Variants in UNC13C observed in about 807,000 individuals in gnomAD.
The protein encoded by UNC13C is unc-13 homolog C.
A neutral mutation model predicts 245.4 loss-of-function variants in UNC13C; 174 were observed. The ratio of observed to expected loss-of-function variants is 0.71; its 90% CI spans 0.63 to 0.80. The LOEUF is 0.80. Ranked by LOEUF, UNC13C falls within the 30% of genes least tolerant of loss-of-function variation. The pLI, the probability that UNC13C is intolerant of heterozygous loss-of-function variation, is 0.00. For synonymous variants in UNC13C, 992 were observed against 895.1 expected (o/e 1.11, Z -1.93); for missense variants, 2,829 against 2,602.9 (o/e 1.09, Z -1.89).
intron 4 of UNC13C, among the ~76,000 whole-genome samples, chr15:54,201,719 G>A (rs1015411592): frequency 6.6e-6 from 1 of 151,886 alleles, no homozygotes; most frequent in Non-Finnish European, 1.5e-5. Context: ...ACTAAATGGG[G>A]AAAAGTTGAA....
chr15:54,015,345 A>C lies in UNC13C; in HGVS notation c.2442A>C (p.Lys814Asn). 1.2e-6 allele frequency: 2 copies of C among 1,613,862 alleles called. No homozygotes were observed. ...AKSALEVVWNKSTQSLSGYED... is the reference protein window; with the variant it reads ...AKSALEVVWNNSTQSLSGYED... ...CAGCCTTGGAAGTAGTATGGAACAA[A>C]AGCACACAGAGTCTGAGTGGGTATG... Residue 814 changes from lysine (K) to asparagine (N), a missense_variant, in exon 2 of 33, where the codon AAA becomes AAC. Physicochemically the swap from Lys to Asn is moderately conservative, Grantham distance 94. Coordinates refer to ENST00000260323, the MANE Select transcript of UNC13C (RefSeq NM_001080534.3).
intron 2 of UNC13C, among the ~76,000 whole-genome samples, chr15:54,116,358 C>T (rs1344299217): frequency 6.6e-6 from 1 of 152,008 alleles, no homozygotes; most frequent in African/African-American, 2.4e-5. Flanking sequence ...TTCTATTGAA[C>T]ATGATGTCTT....
At chr15:54,175,644 C>A (rs562385729) in intron 4 of UNC13C, among the ~76,000 whole-genome samples, 3 of 151,794 alleles carry the variant, frequency 2.0e-5, no homozygotes, top group African/African-American at 7.3e-5. Flanking sequence ...TCCCGAGTAG[C>A]TGGGACTACA....
intron 10 of UNC13C, among the ~76,000 whole-genome samples, chr15:54,280,730 GTATACATACATATA>G (rs2036967141): frequency 1.6e-5 from 1 of 62,710 alleles, no homozygotes; most frequent in African/African-American, 1.5e-4. Context: ...ATAAACATAT[GTATACATACATATA>G]TACATATATA....
At chr15:54,269,508 A>G (rs2036630763) in intron 10 of UNC13C, among the ~76,000 whole-genome samples, 2 of 152,176 alleles carry the variant, frequency 1.3e-5, no homozygotes, top group African/African-American at 4.8e-5. Flanking sequence ...TTATTGTATT[A>G]TTTTAATCCT....
chr15:54,241,230 G>A (rs1393044074), intron 7 of UNC13C, among the ~76,000 whole-genome samples: 2 of 152,126 alleles, frequency 1.3e-5, no homozygotes, highest in Admixed American at 6.6e-5. Flanking sequence ...AGGCTGGCAG[G>A]CTTCTAGGAA....
chr15:54,237,908 A>G (rs1221254977), intron 7 of UNC13C, among the ~76,000 whole-genome samples: 1 of 152,098 alleles, frequency 6.6e-6, no homozygotes, highest in Admixed American at 6.6e-5. Context: ...ATCTTTACAA[A>G]TGCTGTTCAA....
intron 4 of UNC13C, among the ~76,000 whole-genome samples, chr15:54,154,797 G>C (rs901113223): frequency 4.6e-5 from 7 of 152,226 alleles, no homozygotes; most frequent in African/African-American, 1.7e-4. Context: ...CAAAAGATTA[G>C]GTTATAAAAG....
intron 30 of UNC13C, among the ~76,000 whole-genome samples, chr15:54,612,398 C>A (rs894005970): frequency 6.6e-6 from 1 of 151,932 alleles, no homozygotes; most frequent in Non-Finnish European, 1.5e-5. Context: ...TATATGACTT[C>A]TTTATACATT....
intron 19 of UNC13C, among the ~76,000 whole-genome samples, chr15:54,417,491 T>C (rs1358119977): frequency 3.3e-5 from 5 of 152,170 alleles, no homozygotes; most frequent in Admixed American, 2.0e-4. Context: ...CCATTTAAGT[T>C]TTAGAGTAAA....
At chr15:54,275,503 A>C (rs1304733484) in intron 10 of UNC13C, among the ~76,000 whole-genome samples, 1 of 152,098 alleles carries the variant, frequency 6.6e-6, no homozygotes, top group Non-Finnish European at 1.5e-5. Flanking sequence ...TGGGTTATTT[A>C]TATCTCATTA....
chr15:54,612,514 G>T (rs1360135377), intron 30 of UNC13C, among the ~76,000 whole-genome samples: 1 of 151,974 alleles, frequency 6.6e-6, no homozygotes, highest in Non-Finnish European at 1.5e-5. Flanking sequence ...TTGATTTCAA[G>T]TTCCAAAAGA....
intron 24 of UNC13C, among the ~76,000 whole-genome samples, chr15:54,513,775 T>C (rs576589070): frequency 2.7e-5 from 4 of 150,678 alleles, no homozygotes; most frequent in East Asian, 3.9e-4. Flanking sequence ...CTTCTAACGA[T>C]GTAATCTTCT....
chr15:53,989,345 T>A (rs547026064), intron 1 of UNC13C, among the ~76,000 whole-genome samples: 4 of 146,922 alleles, frequency 2.7e-5, no homozygotes, highest in Admixed American at 6.7e-5. Context: ...AAAAAAAAAA[T>A]GTAGGCAATG....
chr15:53,899,983 G>C, the UNC13C span, among the ~76,000 whole-genome samples: 1 of 152,112 alleles, frequency 6.6e-6, no homozygotes, highest in Non-Finnish European at 1.5e-5. Context: ...TTCGTTTTCT[G>C]CCATATGTAT....
chr15:54,483,632 A>G (rs1893248740), intron 19 of UNC13C, among the ~76,000 whole-genome samples: 1 of 152,088 alleles, frequency 6.6e-6, no homozygotes, highest in Non-Finnish European at 1.5e-5. Flanking sequence ...AGTAGCTGGG[A>G]TTACAGGTGC....
intron 4 of UNC13C, among the ~76,000 whole-genome samples, chr15:54,185,046 T>G (rs1339938113): frequency 1.3e-5 from 2 of 152,342 alleles, no homozygotes; most frequent in South Asian, 4.1e-4. Flanking sequence ...TCATGTGTTT[T>G]TTGGTGGCAT....
intron 8 of UNC13C, among the ~76,000 whole-genome samples, chr15:54,261,512 ATTTT>A (rs1416224672): frequency 1.4e-5 from 2 of 145,068 alleles, no homozygotes; most frequent in Admixed American, 6.8e-5. Context: ...AAAAGTAGAA[ATTTT>A]TGTTTGTTTG....
chr15:54,479,333 T>C (rs1319330603), intron 19 of UNC13C, among the ~76,000 whole-genome samples: 1 of 152,146 alleles, frequency 6.6e-6, no homozygotes, highest in East Asian at 1.9e-4. Context: ...TATATAATGT[T>C]CTTCTTTTTC....
Sources: allele counts gnomAD v4.1 joint callset (sites outside exome capture counted in the v4.1 genomes callset), GRCh38; gene constraint gnomAD v4.1.1; transcripts MANE v1.5; gene names NCBI Gene and HGNC (gene_info 2026-07-23, HGNC 2026-07-21).